The following BAZ2B variants were observed in gnomAD, a reference collection of about 807,000 sequenced individuals.
BAZ2B encodes bromodomain adjacent to zinc finger domain protein 2B.
Under a neutral mutation model 246.0 loss-of-function variants are expected in BAZ2B, and 91 were observed. The observed-to-expected ratio is 0.37, with a 90% CI of 0.31 to 0.44. The LOEUF (loss-of-function observed/expected upper bound fraction) is 0.44. Among genes scored for constraint, BAZ2B ranks in the 20% least tolerant of loss-of-function variants. The probability of loss-of-function intolerance (pLI) is 1.00; values close to 1 mark genes in which losing one functional copy is unlikely to be tolerated. For synonymous variants in BAZ2B, 855 were observed against 860.0 expected (o/e 0.99, Z 0.10); for missense variants, 2,332 against 2,533.7 (o/e 0.92, Z 1.71).
chr2:159,553,392 C>CAAAAAAAAAAAAAAAAAAA (rs35253250), intron 2 of BAZ2B, among the ~76,000 whole-genome samples: 13 of 73,824 alleles, frequency 1.8e-4, no homozygotes, highest in South Asian at 6.4e-4. Context: ...GACTCTGTCT[C>CAAAAAAAAAAAAAAAAAAA]AAAAAAAAAA....
At chr2:159,709,110 G>T in the BAZ2B span, among the ~76,000 whole-genome samples, 1 of 151,508 alleles carries the variant, frequency 6.6e-6, no homozygotes, top group South Asian at 2.1e-4. Context: ...CTTAGAAGTA[G>T]GAGTCCTCAT....
chr2:159,336,837 A>G, intron 33 of BAZ2B, 105 bp downstream of exon 33: 1 of 1,020,624 alleles, frequency 9.8e-7, no homozygotes, highest in Non-Finnish European at 1.4e-6. Context: ...AGTATAGCAT[A>G]CATTATTATG....
chr2:159,677,966 T>C, the BAZ2B span, among the ~76,000 whole-genome samples: 1 of 152,132 alleles, frequency 6.6e-6, no homozygotes, highest in Non-Finnish European at 1.5e-5. Flanking sequence ...AGATGAAAAC[T>C]TAAACAAAAT....
At chr2:159,338,861 C>T (rs2066116759) in intron 31 of BAZ2B, among the ~76,000 whole-genome samples, 2 of 152,026 alleles carry the variant, frequency 1.3e-5, no homozygotes, top group Non-Finnish European at 2.9e-5. Context: ...CAGTATTCTT[C>T]TTCTAAATTC....
intron 14 of BAZ2B, 24 bp downstream of exon 14, chr2:159,412,309 AGT>A: frequency 6.3e-7 from 1 of 1,598,592 alleles, no homozygotes; most frequent in Non-Finnish European, 8.6e-7. Flanking sequence ...TATGATTATT[AGT>A]GTCAGACACA....
chr2:159,389,683 C>T (rs1439543476), intron 20 of BAZ2B, among the ~76,000 whole-genome samples, 198 bp from the exon 21 acceptor site: 1 of 151,982 alleles, frequency 6.6e-6, no homozygotes, highest in Non-Finnish European at 1.5e-5. Flanking sequence ...AAAATTTGTT[C>T]AATCATTTGC....
intron 8 of BAZ2B, chr2:159,433,966 T>C (rs910919653): frequency 1.3e-5 from 2 of 152,444 alleles, no homozygotes; most frequent in Admixed American, 6.5e-5. Context: ...TAGCCTAAAG[T>C]TGAGCAAAAT....
chr2:159,380,626 A>G (rs2061888578), intron 25 of BAZ2B, among the ~76,000 whole-genome samples: 1 of 152,166 alleles, frequency 6.6e-6, no homozygotes, highest in South Asian at 2.1e-4. Flanking sequence ...AGCTCTTAAT[A>G]TGGACCTGAA....
the BAZ2B span, among the ~76,000 whole-genome samples, chr2:159,679,271 C>CA: frequency 0.48 from 30,900 of 63,802 alleles, 6,767 homozygotes; most frequent in East Asian, 0.52. Flanking sequence ...GACTTCATCT[C>CA]AAAAAAAAAA....
intron 23 of BAZ2B, among the ~76,000 whole-genome samples, chr2:159,384,085 C>A (rs2062332732): frequency 1.3e-5 from 2 of 151,948 alleles, no homozygotes; most frequent in Non-Finnish European, 2.9e-5. Flanking sequence ...TATGCATATA[C>A]ACTAAGTGTA....
chr2:159,689,373 T>G, the BAZ2B span: 7 of 3,946 alleles, frequency 1.8e-3, no homozygotes, highest in Non-Finnish European at 6.2e-3. Context: ...TTTACTTTCC[T>G]TTTTTTTTTT....
chr2:159,509,870 A>T (rs2082732208), intron 2 of BAZ2B, among the ~76,000 whole-genome samples: 1 of 152,084 alleles, frequency 6.6e-6, no homozygotes, highest in Non-Finnish European at 1.5e-5. Context: ...TATATGAGCA[A>T]CTGTGTATAT....
At chr2:159,455,766 T>G (rs2075678370) in intron 3 of BAZ2B, among the ~76,000 whole-genome samples, 1 of 128,026 alleles carries the variant, frequency 7.8e-6, no homozygotes. Flanking sequence ...TATTGTGGTT[T>G]TTTTTTTTTT....
upstream of BAZ2B, among the ~76,000 whole-genome samples, chr2:159,621,492 G>A (rs1342413490): frequency 1.3e-5 from 2 of 152,004 alleles, no homozygotes; most frequent in Non-Finnish European, 2.9e-5. Context: ...AGGGGTGGAG[G>A]GGACAATCAT....
intron 16 of BAZ2B, chr2:159,404,475 C>A: frequency 6.5e-6 from 1 of 153,488 alleles, no homozygotes; most frequent in African/African-American, 2.4e-5. Flanking sequence ...TAATTTTCTA[C>A]TAATATTTTA....
chr2:159,548,917 T>C (rs79771108), intron 2 of BAZ2B, among the ~76,000 whole-genome samples: 2,962 of 152,296 alleles, frequency 0.019, 52 homozygotes, highest in East Asian at 0.086. Context: ...ACCAAAGTTT[T>C]TAGTTTATAA....
chr2:159,529,679 T>C (rs1452922068), intron 2 of BAZ2B, among the ~76,000 whole-genome samples: 2 of 152,202 alleles, frequency 1.3e-5, no homozygotes, highest in African/African-American at 4.8e-5. Flanking sequence ...TCTAATATAC[T>C]ACATACAACT....
chr2:159,374,566 A>G, intron 26 of BAZ2B, 125 bp downstream of exon 26: 2 of 737,676 alleles, frequency 2.7e-6, no homozygotes, highest in Non-Finnish European at 2.3e-6. Flanking sequence ...GCTATTCAGA[A>G]TCTTCATTTT....
chr2:159,685,067 T>C, the BAZ2B span, among the ~76,000 whole-genome samples: 1 of 152,212 alleles, frequency 6.6e-6, no homozygotes, highest in Non-Finnish European at 1.5e-5. Flanking sequence ...TTTTTATGTA[T>C]GCATATTAAA....
Sources: gnomAD v4.1 joint callset for allele counts (sites outside exome capture counted in the v4.1 genomes callset) on GRCh38, gnomAD v4.1.1 for gene constraint, MANE v1.5 for transcripts, NCBI Gene and HGNC (gene_info 2026-07-23, HGNC 2026-07-21) for gene names.